Variants in FBXW7 observed in about 807,000 individuals in gnomAD.
The protein encoded by FBXW7 is F-box/WD repeat-containing protein 7.
In FBXW7, 11 loss-of-function variants were observed where a neutral mutation model predicts 86.3. The observed-to-expected ratio is 0.13, with a 90% CI of 0.08 to 0.21. The LOEUF is 0.21. FBXW7 is among the 10% of genes least tolerant of loss of function. FBXW7 has a pLI of 1.00. For synonymous variants in FBXW7, 313 were observed against 297.9 expected, an observed-to-expected ratio of 1.05 and a Z score of -0.52; for missense variants, 488 against 847.4, an observed-to-expected ratio of 0.58 and a Z score of 5.27.
At chr4:152,324,665 C>G (rs575750015) in intron 12 of FBXW7, 2 of 373,798 alleles carry the variant, frequency 5.4e-6, no homozygotes, top group Non-Finnish European at 9.9e-6. Flanking sequence ...GAAAACAAAG[C>G]ACCTAAAATG....
intron 2 of FBXW7, among the ~76,000 whole-genome samples, chr4:152,445,771 G>A (rs1741316134): frequency 1.3e-5 from 2 of 151,962 alleles, no homozygotes; most frequent in South Asian, 4.1e-4. Context: ...TTAGCTGGGT[G>A]TGGTGGCAGG....
intron 6 of FBXW7, among the ~76,000 whole-genome samples, chr4:152,339,199 C>T (rs1428732777): frequency 6.6e-6 from 1 of 152,096 alleles, no homozygotes; most frequent in African/African-American, 2.4e-5. Context: ...AGGTTCCAAC[C>T]AGTTGTGTCC....
chr4:152,362,847 A>AC (rs1008827375), intron 4 of FBXW7, among the ~76,000 whole-genome samples: 15 of 151,622 alleles, frequency 9.9e-5, no homozygotes, highest in Admixed American at 3.3e-4. Flanking sequence ...AAAAAAAAAA[A>AC]AACAACAAGA....
At chr4:152,342,213 G>T (rs537110343) in intron 6 of FBXW7, among the ~76,000 whole-genome samples, 1 of 152,258 alleles carries the variant, frequency 6.6e-6, no homozygotes, top group Non-Finnish European at 1.5e-5. Context: ...TTTTATTTCA[G>T]GTAAATTAGG....
chr4:152,491,091 A>G (rs957557881), intron 2 of FBXW7, among the ~76,000 whole-genome samples: 8 of 152,298 alleles, frequency 5.3e-5, no homozygotes, highest in African/African-American at 1.9e-4. Flanking sequence ...GAACCAACTG[A>G]CAGGACTTTC....
At chr4:152,329,876 A>G (rs1729391450) in intron 9 of FBXW7, 91 bp from the exon 10 acceptor site, 1 of 598,258 alleles carries the variant, frequency 1.7e-6, no homozygotes, top group African/African-American at 1.9e-5. Context: ...ATAAACAGGA[A>G]CAGTAATTTG....
At chr4:152,464,784 G>A (rs1308408313) in intron 2 of FBXW7, among the ~76,000 whole-genome samples, 1 of 152,090 alleles carries the variant, frequency 6.6e-6, no homozygotes, top group South Asian at 2.1e-4. Flanking sequence ...CTATGTATGT[G>A]GCTTAATCTG....
intron 2 of FBXW7, among the ~76,000 whole-genome samples, chr4:152,439,431 T>C (rs2126977378): frequency 6.6e-6 from 1 of 151,790 alleles, no homozygotes; most frequent in East Asian, 1.9e-4. Context: ...GAATGGGTAC[T>C]GGTTTCGTTA....
chr4:152,395,410 T>G (rs1441729450), intron 4 of FBXW7, among the ~76,000 whole-genome samples: 1 of 152,050 alleles, frequency 6.6e-6, no homozygotes, highest in Non-Finnish European at 1.5e-5. Flanking sequence ...TCTCATGACC[T>G]TGCCCTCATA....
chr4:152,399,282 G>A (rs1165376155), intron 4 of FBXW7, among the ~76,000 whole-genome samples: 1 of 152,094 alleles, frequency 6.6e-6, no homozygotes, highest in Non-Finnish European at 1.5e-5. Flanking sequence ...AGGATAGAAG[G>A]ACTCTTAGCA....
intron 2 of FBXW7, among the ~76,000 whole-genome samples, chr4:152,527,863 TATACACACAC>T (rs1342029153): frequency 5.8e-5 from 6 of 103,972 alleles, no homozygotes; most frequent in African/African-American, 1.7e-4. Flanking sequence ...TTAAAAATTA[TATACACACAC>T]ACACACACAC....
At chr4:152,378,381 C>CATA (rs1250296338) in intron 4 of FBXW7, among the ~76,000 whole-genome samples, 3 of 152,156 alleles carry the variant, frequency 2.0e-5, no homozygotes, top group African/African-American at 7.2e-5. Context: ...GTCTCAGATG[C>CATA]ATAAATCCTT....
intron 2 of FBXW7, among the ~76,000 whole-genome samples, chr4:152,506,912 A>T (rs1056922871): frequency 2.6e-5 from 4 of 152,248 alleles, no homozygotes; most frequent in Admixed American, 6.5e-5. Flanking sequence ...TGCAATATGC[A>T]CACTGATTGT....
At position 152,405,789 on chromosome 4, in the gene FBXW7, A is replaced by G. The variant is rs568337181; in HGVS notation, c.501+5514T>C. On this transcript the variant is annotated intron_variant, in intron 4 of 13. Coordinates refer to ENST00000281708, the MANE Select transcript of FBXW7 (RefSeq NM_001349798.2). Reference sequence around the variant, plus strand: ...CAGGCCCAGACTCAGATGATAAGAAAAAGTCAAGCCACTTTTCTATCCACT... The same window carrying G: ...CAGGCCCAGACTCAGATGATAAGAAGAAGTCAAGCCACTTTTCTATCCACT... 2.0e-5 allele frequency among the ~76,000 whole-genome samples: 3 copies of G among 152,340 alleles called. No individual in the cohort carries two copies. The East Asian group carries it at 5.8e-4, about 29-fold the overall frequency.
chr4:152,375,453 G>T (rs984268095), intron 4 of FBXW7, among the ~76,000 whole-genome samples: 1 of 151,952 alleles, frequency 6.6e-6, no homozygotes, highest in Admixed American at 6.6e-5. Flanking sequence ...ACGATGAAAA[G>T]AATAGAAGAA....
At chr4:152,332,763 ATATATAT>A in intron 7 of FBXW7, 44 bp from the exon 8 acceptor site, 4 of 877,154 alleles carry the variant, frequency 4.6e-6, no homozygotes, top group Non-Finnish European at 5.9e-6. Flanking sequence ...TTAAATAAAT[ATATATAT>A]TATATAATAA....
Position 152,411,559 on chromosome 4 carries a change from T to A in FBXW7, c.245A>T (p.Asn82Ile), listed in dbSNP as rs769663821. The change falls in exon 4 of 14, where the codon AAT (asparagine) becomes ATT (isoleucine). Residue 82 changes from asparagine (N) to isoleucine (I), a missense_variant. By Grantham distance (149) the Asn-to-Ile change is moderately radical. This residue lies in a region of FBXW7 where 230 missense variants were observed against 240.0 expected (regional missense o/e 0.96). Transcript: ENST00000281708. ...SQQGQLEENN[N>I]RFISVDEDSS... is the part of the protein sequence containing the mutation. ...GTCCTCATCTACCGAAATAAATCTA[T>A]TATTGTTTTCTTCCAACTGTCCTTG... The A allele has an allele frequency of 1.2e-6, 2 of 1,614,008 alleles. No homozygotes were observed. Among genetic ancestry groups the A allele is most frequent in the South Asian group, 2.2e-5 (2 of 91,072 alleles).
intron 13 of FBXW7, chr4:152,323,691 T>C: frequency 6.0e-6 from 1 of 167,730 alleles, no homozygotes; most frequent in Admixed American, 5.6e-5. Flanking sequence ...CCTCATCTAA[T>C]ATTAGTGATT....
At chr4:152,521,389 G>A (rs757534309) in intron 2 of FBXW7, among the ~76,000 whole-genome samples, 12 of 151,970 alleles carry the variant, frequency 7.9e-5, no homozygotes, top group Non-Finnish European at 1.2e-4. Flanking sequence ...AAGGTGTAGA[G>A]ACAAATATAC....
Sources: gnomAD v4.1 joint callset for allele counts (sites outside exome capture counted in the v4.1 genomes callset) on GRCh38, gnomAD v4.1.1 for gene constraint, gnomAD v4.1.1 regional missense constraint, MANE v1.5 for transcripts, NCBI Gene and HGNC (gene_info 2026-07-23, HGNC 2026-07-21) for gene names.